The following NFAT5 variants were observed in gnomAD, a reference collection of about 807,000 sequenced individuals.
The protein encoded by NFAT5 is nuclear factor of activated T-cells 5.
In NFAT5, 31 loss-of-function variants were observed where a neutral mutation model predicts 166.5. The ratio of observed to expected loss-of-function variants is 0.19; its 90% confidence interval spans 0.14 to 0.25. The LOEUF (loss-of-function observed/expected upper bound fraction) is 0.25, where lower values mean the gene tolerates loss of function less well. Ranked by LOEUF, NFAT5 falls within the 10% of genes least tolerant of loss-of-function variation. The pLI is 1.00. For synonymous variants in NFAT5, 612 were observed against 639.7 expected (o/e 0.96, Z 0.65); for missense variants, 1,449 against 1,821.8 (o/e 0.80, Z 3.72).
intron 11 of NFAT5, among the ~76,000 whole-genome samples, chr16:69,688,216 A>ACAAAC (rs1456939543): frequency 0.015 from 2,150 of 147,318 alleles, 187 homozygotes; most frequent in Admixed American, 0.12. Flanking sequence ...AAAAAAAAAA[A>ACAAAC]AAAAAAAAAA....
Position 69,571,129 on chromosome 16 carries a change from T to TAAAAAAAAAA in NFAT5, c.127+2600_127+2609dup, listed in dbSNP as rs56221116. 1.2e-3 allele frequency among the ~76,000 whole-genome samples: 38 copies of TAAAAAAAAAA among 31,382 alleles called. 3 individuals are homozygous for TAAAAAAAAAA. Among genetic ancestry groups the TAAAAAAAAAA allele is most frequent in the African/African-American group, 1.9e-3 (24 of 12,574 alleles). 20.6% of individuals were successfully genotyped at this position (31,382 alleles called of 152,430 possible). On this transcript the variant is annotated intron_variant, in intron 2 of 14. Coordinates refer to ENST00000349945, the MANE Select transcript of NFAT5 (RefSeq NM_138713.4). ...TAACATGGTGAAACCCCATCTCTAC[T>TAAAAAAAAAA]AAAAAAAAAAAAAAAAAAAAAAAAA...
At chr16:69,607,006 T>C (rs1306640016) in intron 2 of NFAT5, among the ~76,000 whole-genome samples, 1 of 152,184 alleles carries the variant, frequency 6.6e-6, no homozygotes, top group Non-Finnish European at 1.5e-5. Flanking sequence ...GCTAACCCTT[T>C]TGAGGGCAGA....
At chr16:69,688,347 A>C (rs971719293) in intron 11 of NFAT5, among the ~76,000 whole-genome samples, 4 of 151,970 alleles carry the variant, frequency 2.6e-5, no homozygotes, top group Admixed American at 2.0e-4. Context: ...TTAAAAAGAA[A>C]AATACAGACT....
In NFAT5 at chr16:69,653,691, G is replaced by C. The variant is rs571546894; in HGVS notation, c.1005+263G>C. On this transcript the variant is annotated intron_variant, in intron 5 of 14. Coordinates refer to ENST00000349945, the MANE Select transcript of NFAT5 (RefSeq NM_138713.4). ...CCGGGGTGCAAGTAATCATGCCTCA[G>C]CCACCTGAGTAGCTGGGACTACAGG... Among the ~76,000 whole-genome samples, 19 of 151,368 alleles carry C rather than the reference G, an allele frequency of 1.3e-4. No homozygotes were observed. In the South Asian group the frequency reaches 4.0e-3, roughly 32 times the overall value.
At chr16:69,568,419 A>C in intron 1 of NFAT5, 76 bp from the exon 2 acceptor site, 1 of 897,066 alleles carries the variant, frequency 1.1e-6, no homozygotes. Flanking sequence ...GCAGTTATAT[A>C]AGAGATGTAT....
In NFAT5 at chr16:69,656,213, G is replaced by A. The variant is rs544416728; in HGVS notation, c.1196+414G>A. On this transcript the variant is annotated intron_variant, in intron 6 of 14. Transcript: ENST00000349945. ...GGAGAATCACTTGAACCCAGGAGGC[G>A]GAGTTTGCAGTGAGCCGAGATTGTG... 8.6e-5 allele frequency among the ~76,000 whole-genome samples: 13 copies of A among 150,586 alleles called. 1 individual carries two copies. Among genetic ancestry groups the A allele is most frequent in the African/African-American group, 1.5e-4 (6 of 40,986 alleles).
At chr16:69,658,106 A>AAAAT (rs967080990) in intron 6 of NFAT5, among the ~76,000 whole-genome samples, 26 of 151,514 alleles carry the variant, frequency 1.7e-4, no homozygotes, top group Admixed American at 2.0e-4. Context: ...TAAATAAAGT[A>AAAAT]AAATAAATAA....
intron 2 of NFAT5, among the ~76,000 whole-genome samples, chr16:69,622,802 C>A (rs1336272653): frequency 6.8e-6 from 1 of 146,396 alleles, no homozygotes; most frequent in Admixed American, 7.0e-5. Context: ...TTTATCGAAT[C>A]TGTTTCTTTC....
intron 3 of NFAT5, among the ~76,000 whole-genome samples, chr16:69,628,689 G>A (rs1269545991): frequency 1.3e-5 from 2 of 152,234 alleles, no homozygotes; most frequent in South Asian, 4.1e-4. Flanking sequence ...ATATTACCAA[G>A]TTACTCAATG....
At position 69,566,297 on chromosome 16, in the gene NFAT5, C is replaced by G; in HGVS notation, c.-5C>G. On this transcript the variant is annotated 5_prime_UTR_variant, in exon 1 of 15. Coordinates refer to ENST00000349945, the MANE Select transcript of NFAT5 (RefSeq NM_138713.4). The surrounding 1 kb of genome is among the most constrained non-coding windows in gnomAD (Gnocchi z 5.7). ...TGCCCTCGGGCCGGGCTGGGTCGAG[C>G]TGCGATGCCCTCGGACTTCATCTCA... The G allele has an allele frequency of 6.2e-7, 1 of 1,602,740 alleles. No homozygotes were observed.
At chr16:69,568,461 A>G (rs562522148) in intron 1 of NFAT5, 34 bp from the exon 2 acceptor site, 19 of 1,604,162 alleles carry the variant, frequency 1.2e-5, no homozygotes, top group Non-Finnish European at 1.6e-5. Context: ...CTCATTCAGC[A>G]TAAAAAGTAC....
intron 4 of NFAT5, chr16:69,649,314 A>G: frequency 1.0e-6 from 1 of 969,202 alleles, no homozygotes; most frequent in Non-Finnish European, 1.2e-6. Context: ...TTTTATATCA[A>G]AATGAATGTT....
At chr16:69,664,290 A>T (rs2036268104) in intron 7 of NFAT5, among the ~76,000 whole-genome samples, 1 of 151,740 alleles carries the variant, frequency 6.6e-6, no homozygotes, top group Non-Finnish European at 1.5e-5. Flanking sequence ...AACTTTATTT[A>T]TTTATTTATT....
chr16:69,612,618 G>A (rs947042467), intron 2 of NFAT5, among the ~76,000 whole-genome samples: 8 of 152,066 alleles, frequency 5.3e-5, no homozygotes, highest in African/African-American at 1.9e-4. Flanking sequence ...GATTGAGGCA[G>A]GAGGACCACT....
Position 69,653,422 on chromosome 16 carries a change from A to C in NFAT5, c.999A>C (p.Thr333=), listed in dbSNP as rs747694582. ...ATAGAACACAGCAAGGCTTTCCTAC[A>C]GTAAAGGTATTTACTTTATTTATCA... is the stretch of plus-strand genomic sequence containing the variant. ...VKDRTQQGFP[T]VKLEGHNEPV... Residue 333 remains threonine, a synonymous_variant, in exon 5 of 15, where the codon ACA becomes ACC. Coordinates refer to ENST00000349945, the MANE Select transcript of NFAT5 (RefSeq NM_138713.4). 5 of 1,559,458 alleles carry C rather than the reference A, an allele frequency of 3.2e-6. No homozygotes were observed. In the Admixed American group the frequency reaches 1.1e-4, roughly 34 times the overall value.
At position 69,697,816 on chromosome 16, in the gene NFAT5, G is replaced by A. The variant is rs768426780; in HGVS notation, c.*1465G>A. The A allele has an allele frequency of 2.0e-5, 3 of 152,566 alleles. No homozygotes were observed. Among genetic ancestry groups the A allele is most frequent in the African/African-American group, 7.2e-5 (3 of 41,434 alleles). The allele number at this position is 152,566 out of a possible 1,614,324, so 9.5% of individuals were successfully genotyped here. On this transcript the variant is annotated 3_prime_UTR_variant, in exon 15 of 15. Coordinates refer to ENST00000349945, the MANE Select transcript of NFAT5 (RefSeq NM_138713.4). ...GCATGTGGAAAGCTGTCAATGCAGTGTAAGGCCAACGTGTGTGTGGCTTCT... is the reference window on the plus strand; with the variant it reads ...GCATGTGGAAAGCTGTCAATGCAGTATAAGGCCAACGTGTGTGTGGCTTCT...
Position 69,647,677 on chromosome 16 carries a change from AG to A in NFAT5, c.812+92del. 8.4e-7 allele frequency: 1 copy of A among 1,193,890 alleles called. No homozygotes were observed. The highest frequency in any genetic ancestry group is 1.6e-5 in the South Asian group (1 of 64,238). The allele number at this position is 1,193,890 out of a possible 1,614,324, so 74.0% of individuals were successfully genotyped here. ...CAATTTTTCCTAATTGCTGAGCTCA[AG>A]TTTGCATATAAAGCAACAGTGCTAA... On this transcript the variant is annotated intron_variant, in intron 4 of 14. Coordinates refer to ENST00000349945, the MANE Select transcript of NFAT5 (RefSeq NM_138713.4). The surrounding 1 kb of genome is among the most constrained non-coding windows in gnomAD (Gnocchi z 4.8).
intron 2 of NFAT5, among the ~76,000 whole-genome samples, chr16:69,570,733 T>C (rs1187682249): frequency 6.6e-6 from 1 of 152,190 alleles, no homozygotes; most frequent in African/African-American, 2.4e-5. Flanking sequence ...TTCTAGTATA[T>C]AGTATATCCT....
At chr16:69,637,137 G>A (rs115024608) in intron 3 of NFAT5, among the ~76,000 whole-genome samples, 1,638 of 152,020 alleles carry the variant, frequency 0.011, 29 homozygotes, top group African/African-American at 0.038. Context: ...GTAAAATGCC[G>A]GTCTCTTTGC....
Sources: gnomAD v4.1 joint callset for allele counts (sites outside exome capture counted in the v4.1 genomes callset) on GRCh38, gnomAD v4.1.1 for gene constraint, Gnocchi (gnomAD v3.1) non-coding constraint, MANE v1.5 for transcripts, NCBI Gene and HGNC (gene_info 2026-07-23, HGNC 2026-07-21) for gene names.